Variants in NBEA observed in about 807,000 individuals in gnomAD.
NBEA encodes lysosomal-trafficking regulator 2.
Under a neutral mutation model 343.4 loss-of-function variants are expected in NBEA, and 44 were observed. That is an observed-to-expected ratio of 0.13 (90% confidence interval 0.10 to 0.16). The LOEUF is 0.16. NBEA is among the 10% of genes least tolerant of loss of function. NBEA has a pLI of 1.00. For synonymous variants in NBEA, 1,175 were observed against 1,238.7 expected, an observed-to-expected ratio of 0.95 and a Z score of 1.08; for missense variants, 2,555 against 3,631.3, an observed-to-expected ratio of 0.70 and a Z score of 7.62.
intron 41 of NBEA, chr13:35,476,569 G>A (rs764610410): frequency 1.6e-5 from 9 of 570,814 alleles, no homozygotes; most frequent in Middle Eastern, 5.3e-4. Flanking sequence ...ATTTATTTGC[G>A]CTTTCCCGTA....
intron 41 of NBEA, among the ~76,000 whole-genome samples, chr13:35,488,154 T>A (rs994359587): frequency 1.3e-5 from 2 of 151,948 alleles, no homozygotes; most frequent in African/African-American, 4.8e-5. Context: ...ACATCATTAT[T>A]TTAAGAATCA....
At position 35,197,833 on chromosome 13, in the gene NBEA, C is replaced by T. The variant is rs181189734; in HGVS notation, c.5366+1531C>T. On this transcript the variant is annotated intron_variant, in intron 31 of 58. Transcript: ENST00000379939. ...CTTTTAATACACAATATAATTTAAA[C>T]TTTGCCTGTAAACACTTTTGCCAGT... Among the ~76,000 whole-genome samples the T allele has an allele frequency of 5.1e-4, 77 of 152,272 alleles. 1 individual carries two copies. The highest frequency in any genetic ancestry group is 9.6e-4 in the Non-Finnish European group (65 of 68,016).
At chr13:35,429,908 G>A (rs537696444) in intron 38 of NBEA, among the ~76,000 whole-genome samples, 2 of 151,924 alleles carry the variant, frequency 1.3e-5, no homozygotes, top group African/African-American at 4.8e-5. Flanking sequence ...ATTGCAAATT[G>A]TGCTGCTATA....
chr13:35,656,436 T>C (rs1048276984), intron 55 of NBEA, among the ~76,000 whole-genome samples: 1 of 152,354 alleles, frequency 6.6e-6, no homozygotes, highest in Admixed American at 6.5e-5. Context: ...AATAAATTTG[T>C]TGATGCTTGT....
intron 41 of NBEA, among the ~76,000 whole-genome samples, chr13:35,532,289 TA>T (rs1427126781): frequency 6.6e-6 from 1 of 152,170 alleles, no homozygotes; most frequent in Non-Finnish European, 1.5e-5. Flanking sequence ...ACATGAAAAG[TA>T]CCTTTCAGGG....
intron 1 of NBEA, among the ~76,000 whole-genome samples, chr13:34,966,621 GTTT>G: frequency 2.3e-5 from 3 of 131,442 alleles, no homozygotes; most frequent in African/African-American, 8.3e-5. Flanking sequence ...CTGAGCCTGT[GTTT>G]TTTTTTTTTT....
At chr13:35,512,531 A>G (rs1566246702) in intron 41 of NBEA, among the ~76,000 whole-genome samples, 1 of 152,174 alleles carries the variant, frequency 6.6e-6, no homozygotes, top group Admixed American at 6.5e-5. Context: ...CTAATCTCTG[A>G]GCGTTCTTTT....
At chr13:35,450,767 C>G (rs2046271381) in intron 39 of NBEA, among the ~76,000 whole-genome samples, 2 of 152,276 alleles carry the variant, frequency 1.3e-5, no homozygotes, top group African/African-American at 4.8e-5. Flanking sequence ...AATGCTGCTC[C>G]TTGAAGGCTA....
intron 38 of NBEA, among the ~76,000 whole-genome samples, chr13:35,355,227 T>A (rs2040426500): frequency 7.1e-6 from 1 of 139,930 alleles, no homozygotes; most frequent in Admixed American, 7.2e-5. Context: ...ATATTTCACT[T>A]GACTTATTGT....
At chr13:35,355,188 G>A (rs1005160408) in intron 38 of NBEA, among the ~76,000 whole-genome samples, 1 of 137,434 alleles carries the variant, frequency 7.3e-6, no homozygotes, top group Non-Finnish European at 1.7e-5. Flanking sequence ...TTGACTTATT[G>A]TACCAGCATG....
chr13:35,592,461 C>T lies in NBEA; in HGVS notation c.7177-867C>T, dbSNP rs374668238. Among the ~76,000 whole-genome samples, 4 of 152,234 alleles carry T rather than the reference C, an allele frequency of 2.6e-5. No homozygotes were observed. In the South Asian group the frequency reaches 6.2e-4, roughly 24 times the overall value. ...AATGTTTCAGTGCTGTTTGAGGAAA[C>T]ACAGATTGCTATTTGAGCATACTGG... is the stretch of plus-strand genomic sequence containing the variant. On this transcript the variant is annotated intron_variant, in intron 46 of 58. Transcript: ENST00000379939.
intron 39 of NBEA, among the ~76,000 whole-genome samples, chr13:35,447,350 A>T (rs2152941873): frequency 6.6e-6 from 1 of 152,290 alleles, no homozygotes; most frequent in African/African-American, 2.4e-5. Flanking sequence ...GAAACATTTT[A>T]GTTCTGCTGT....
chr13:35,489,748 T>C (rs1055569286), intron 41 of NBEA, among the ~76,000 whole-genome samples: 1 of 151,882 alleles, frequency 6.6e-6, no homozygotes, highest in African/African-American at 2.4e-5. Flanking sequence ...TGCAAGTAGA[T>C]AATAGCATAG....
At chr13:35,177,445 A>G (rs1024962156) in intron 28 of NBEA, among the ~76,000 whole-genome samples, 2 of 151,828 alleles carry the variant, frequency 1.3e-5, no homozygotes, top group African/African-American at 2.4e-5. Flanking sequence ...GTTATTATTA[A>G]TGTTCCTTAC....
intron 7 of NBEA, among the ~76,000 whole-genome samples, chr13:35,056,686 A>G (rs113026485): frequency 6.6e-6 from 1 of 152,120 alleles, no homozygotes; most frequent in African/African-American, 2.4e-5. Context: ...GGAAAAGGCA[A>G]TTTGTCTGGA....
At chr13:35,341,735 G>A (rs1253605899) in intron 36 of NBEA, among the ~76,000 whole-genome samples, 2 of 152,000 alleles carry the variant, frequency 1.3e-5, no homozygotes, top group African/African-American at 4.8e-5. Context: ...ACAAGTGTTG[G>A]CCAGGATTCA....
chr13:34,971,099 T>A (rs2152499044), intron 1 of NBEA, among the ~76,000 whole-genome samples: 1 of 152,274 alleles, frequency 6.6e-6, no homozygotes, highest in South Asian at 2.1e-4. Context: ...ACCTCCCTAG[T>A]TAGCTGTATT....
chr13:35,256,194 A>G (rs1332182420), intron 34 of NBEA, among the ~76,000 whole-genome samples: 1 of 151,988 alleles, frequency 6.6e-6, no homozygotes, highest in Non-Finnish European at 1.5e-5. Flanking sequence ...GGTTGTCCCT[A>G]TGAATGTCCA....
chr13:35,016,105 T>G (rs1035045615), intron 1 of NBEA, among the ~76,000 whole-genome samples: 2 of 152,130 alleles, frequency 1.3e-5, no homozygotes, highest in African/African-American at 4.8e-5. Flanking sequence ...TGTTTACAAT[T>G]AGGATATAAA....
Sources: gnomAD v4.1 joint callset for allele counts (sites outside exome capture counted in the v4.1 genomes callset) on GRCh38, gnomAD v4.1.1 for gene constraint, MANE v1.5 for transcripts, NCBI Gene and HGNC (gene_info 2026-07-23, HGNC 2026-07-21) for gene names.